Variants in ZNF407 observed in about 807,000 individuals in gnomAD.
ZNF407 encodes zinc finger protein 407.
Under a neutral mutation model 131.2 loss-of-function variants are expected in ZNF407, and 17 were observed. That is an observed-to-expected ratio of 0.13 (90% CI 0.09 to 0.19). The LOEUF is 0.19. Among genes scored for constraint, ZNF407 ranks in the 10% least tolerant of loss-of-function variants. The pLI, the probability that ZNF407 is intolerant of heterozygous loss-of-function variation, is 1.00. For synonymous variants in ZNF407, 1,156 were observed against 1,062.0 expected, an observed-to-expected ratio of 1.09 and a Z score of -1.72; for missense variants, 2,681 against 2,830.6, an observed-to-expected ratio of 0.95 and a Z score of 1.20.
chr18:74,634,842 G>A lies in ZNF407; in HGVS notation c.3823G>A (p.Gly1275Arg), dbSNP rs1984365875. The A allele has an allele frequency of 6.2e-7, 1 of 1,613,684 alleles. No individual in the cohort carries two copies. Among genetic ancestry groups the A allele is most frequent in the African/African-American group, 1.3e-5 (1 of 74,928 alleles). ...LVVTRITREQ[G>R]NLESGGQNRV... is the part of the protein sequence containing the mutation. ...TGTGACAAGAATAACCAGAGAACAGGGAAATCTGGAGAGCGGGGGTCAGAA... is the reference window on the plus strand; with the variant it reads ...TGTGACAAGAATAACCAGAGAACAGAGAAATCTGGAGAGCGGGGGTCAGAA... The change falls in exon 2 of 9, where the codon GGA becomes AGA. Residue 1275 changes from glycine to arginine, a missense_variant. By Grantham distance (125) the Gly-to-Arg change is moderately radical. Transcript: ENST00000299687.
At chr18:74,905,258 C>A (rs999479116) in intron 7 of ZNF407, 26 of 152,196 alleles carry the variant, frequency 1.7e-4, no homozygotes, top group African/African-American at 6.3e-4. Flanking sequence ...CCATATAAAC[C>A]GAAGCAGTAA....
chr18:74,711,829 G>A (rs1599090124), intron 3 of ZNF407, among the ~76,000 whole-genome samples: 1 of 152,086 alleles, frequency 6.6e-6, no homozygotes, highest in Non-Finnish European at 1.5e-5. Flanking sequence ...TCCTGCCTCA[G>A]CCTCCTGGGT....
intron 6 of ZNF407, 128 bp from the exon 7 acceptor site, chr18:74,889,790 G>T: frequency 1.3e-6 from 1 of 756,456 alleles, no homozygotes. Context: ...TAAGTGTGTG[G>T]AGTCCATTGA....
chr18:74,944,761 A>G (rs779188951), intron 8 of ZNF407, among the ~76,000 whole-genome samples: 6 of 152,200 alleles, frequency 3.9e-5, no homozygotes, highest in Non-Finnish European at 8.8e-5. Context: ...TTTATAAACA[A>G]ACTATATAAT....
At chr18:74,675,957 C>G (rs4380127) in intron 3 of ZNF407, among the ~76,000 whole-genome samples, 82,618 of 151,980 alleles carry the variant, frequency 0.54, 23,409 homozygotes, top group East Asian at 0.82. Context: ...AGTTGTTTTA[C>G]ACATCATTTA....
chr18:74,846,278 C>T (rs1970701386), intron 4 of ZNF407, among the ~76,000 whole-genome samples: 1 of 151,972 alleles, frequency 6.6e-6, no homozygotes, highest in Non-Finnish European at 1.5e-5. Context: ...AGTTCATATA[C>T]AGTGTTGGAA....
intron 4 of ZNF407, among the ~76,000 whole-genome samples, chr18:74,794,084 C>T (rs1018066066): frequency 6.6e-6 from 1 of 152,128 alleles, no homozygotes; most frequent in African/African-American, 2.4e-5. Context: ...ACTTTCTCTC[C>T]GAAGCCTCTG....
In ZNF407 at chr18:74,755,547, C is replaced by CCCTCCCTCCCTCCCTTCCTT. The variant is rs1474060218; in HGVS notation, c.4803-25878_4803-25877insCCCTCCCTCCCTTCCTTCCT. ...TGTATCTTTCCCTCTCTCCCTCCCT[C>CCCTCCCTCCCTCCCTTCCTT]CCTTCCTTCTTCCTTCCTTCCTTCC... On this transcript the variant is annotated intron_variant, in intron 3 of 8. Transcript: ENST00000299687. Among the ~76,000 whole-genome samples the CCCTCCCTCCCTCCCTTCCTT allele has an allele frequency of 3.6e-5, 3 of 82,944 alleles. No individual in the cohort carries two copies. In the East Asian group the frequency reaches 1.3e-3, roughly 36 times the overall value. The allele number at this position is 82,944 out of a possible 152,430, so 54.4% of individuals were successfully genotyped here. A position where few individuals can be genotyped will look rare whatever the true frequency, so the allele number is the denominator to read the frequency against.
In ZNF407 at chr18:74,631,761, C is replaced by G; in HGVS notation, c.742C>G (p.Leu248Val). ...GCCACAGAAGGTCTTTTCCTGTGAT[C>G]TTTGTGGTTTTCAGTGTTCAGAAGA... ...HGPQKVFSCD[L>V]CGFQCSEENL... The change falls in exon 2 of 9, where the codon CTT becomes GTT. Residue 248 changes from leucine (L) to valine (V), a missense_variant. Physicochemically the swap from Leu to Val is conservative, Grantham distance 32. Coordinates refer to ENST00000299687, the MANE Select transcript of ZNF407 (RefSeq NM_017757.3). The G allele has an allele frequency of 6.2e-7, 1 of 1,614,034 alleles. No individual in the cohort carries two copies. Among genetic ancestry groups the G allele is most frequent in the Non-Finnish European group, 8.5e-7 (1 of 1,179,898 alleles).
chr18:74,690,288 A>G (rs1480100637), intron 3 of ZNF407, among the ~76,000 whole-genome samples: 2 of 152,212 alleles, frequency 1.3e-5, no homozygotes, highest in Non-Finnish European at 2.9e-5. Context: ...ACATGCATAA[A>G]ATTAACAAAG....
intron 6 of ZNF407, among the ~76,000 whole-genome samples, chr18:74,885,460 TTTTCTTA>T (rs1971295891): frequency 6.6e-6 from 1 of 152,190 alleles, no homozygotes. Context: ...ATCAGGCTAT[TTTTCTTA>T]AAGATACCGA....
intron 4 of ZNF407, among the ~76,000 whole-genome samples, chr18:74,816,306 A>G (rs1183442038): frequency 6.6e-6 from 1 of 152,226 alleles, no homozygotes; most frequent in Admixed American, 6.5e-5. Context: ...TTTTCTTTCC[A>G]AAATTAAGAT....
intron 3 of ZNF407, among the ~76,000 whole-genome samples, chr18:74,693,886 A>G (rs1967288189): frequency 6.6e-6 from 1 of 151,914 alleles, no homozygotes; most frequent in Admixed American, 6.6e-5. Flanking sequence ...CCTGTTTGAT[A>G]TTGTCTCATA....
Position 74,631,528 on chromosome 18 carries a change from C to A in ZNF407, c.509C>A (p.Pro170Gln). ...CTGGAAAGAGAATCTCCTTTCCCCC[C>A]GAAAGAAATTAGTGTTAGTTGTACC... ...LDLERESPFP[P>Q]KEISVSCTIG... is the part of the protein sequence containing the mutation. The change falls in exon 2 of 9, where the codon CCG (proline) becomes CAG (glutamine). Residue 170 changes from proline to glutamine, a missense_variant. Physicochemically the swap from Pro to Gln is moderately conservative, Grantham distance 76. Transcript: ENST00000299687. 6.2e-7 allele frequency: 1 copy of A among 1,613,790 alleles called. No homozygotes were observed. The highest frequency in any genetic ancestry group is 8.5e-7 in the Non-Finnish European group (1 of 1,179,892).
At chr18:75,033,458 C>T (rs1412546698) in intron 8 of ZNF407, among the ~76,000 whole-genome samples, 6 of 152,114 alleles carry the variant, frequency 3.9e-5, no homozygotes, top group Admixed American at 3.9e-4. Flanking sequence ...TGAATTTGTA[C>T]CCTTTAGTAC....
At chr18:74,797,140 C>T in intron 4 of ZNF407, among the ~76,000 whole-genome samples, 1 of 152,146 alleles carries the variant, frequency 6.6e-6, no homozygotes, top group East Asian at 1.9e-4. Context: ...ACCTCTCTTA[C>T]TCACCTGTTA....
At chr18:74,931,765 G>T (rs1226422082) in intron 8 of ZNF407, among the ~76,000 whole-genome samples, 1 of 152,116 alleles carries the variant, frequency 6.6e-6, no homozygotes, top group Non-Finnish European at 1.5e-5. Context: ...CTCATCGTGT[G>T]GTTTTAATTT....
At chr18:74,613,655 A>C (rs980076367) in intron 1 of ZNF407, among the ~76,000 whole-genome samples, 37 of 152,356 alleles carry the variant, frequency 2.4e-4, no homozygotes, top group African/African-American at 8.7e-4. Flanking sequence ...TTTCTTAAAC[A>C]GATTTGAGGC....
At chr18:74,797,368 C>T (rs1386503376) in intron 4 of ZNF407, among the ~76,000 whole-genome samples, 4 of 152,210 alleles carry the variant, frequency 2.6e-5, no homozygotes, top group Admixed American at 2.6e-4. Context: ...AATTTAGTGG[C>T]AACATAGATC....
Sources: allele counts gnomAD v4.1 joint callset (sites outside exome capture counted in the v4.1 genomes callset), GRCh38; gene constraint gnomAD v4.1.1; transcripts MANE v1.5; gene names NCBI Gene and HGNC (gene_info 2026-07-23, HGNC 2026-07-21).